Variants in SI observed in about 807,000 individuals in gnomAD.
SI encodes the protein sucrase-isomaltase.
SI carries 235 observed loss-of-function variants against 253.3 expected under a neutral mutation model. That is an observed-to-expected ratio of 0.93 (90% CI 0.83 to 1.03). The LOEUF is 1.03. Among genes scored for constraint, SI ranks in the 50% least tolerant of loss-of-function variants. The pLI is 0.00. For synonymous variants in SI, 819 were observed against 712.0 expected (o/e 1.15, Z -2.39); for missense variants, 2,442 against 2,211.1 (o/e 1.10, Z -2.09).
intron 3 of SI, among the ~76,000 whole-genome samples, chr3:165,073,584 G>A (rs1411702432): frequency 6.6e-6 from 1 of 152,046 alleles, no homozygotes; most frequent in Non-Finnish European, 1.5e-5. Context: ...GTAAGGTGGA[G>A]TGGAGAAGGT....
intron 37 of SI, among the ~76,000 whole-genome samples, chr3:165,004,314 G>C (rs571189446): frequency 6.6e-6 from 1 of 152,256 alleles, no homozygotes; most frequent in South Asian, 2.1e-4. Flanking sequence ...TGCTGTTGAA[G>C]CTGTGGAGAA....
At chr3:165,089,658 A>C in the SI span, among the ~76,000 whole-genome samples, 1 of 152,100 alleles carries the variant, frequency 6.6e-6, no homozygotes, top group Non-Finnish European at 1.5e-5. Context: ...GTGGACCAGA[A>C]TCAGCACCGC....
At chr3:165,009,226 T>C in intron 35 of SI, 53 bp downstream of exon 35, 1 of 1,190,928 alleles carries the variant, frequency 8.4e-7, no homozygotes, top group East Asian at 2.3e-5. Context: ...TAATTTTGCA[T>C]AATCACTGCA....
intron 38 of SI, 60 bp downstream of exon 38, chr3:164,998,480 C>A: frequency 6.4e-7 from 1 of 1,564,198 alleles, no homozygotes; most frequent in South Asian, 1.1e-5. Flanking sequence ...CTAGCACCAG[C>A]AAAAGTGAGT....
At chr3:165,065,219 A>G (rs772690315) in intron 7 of SI, 42 bp downstream of exon 7, 5 of 1,232,828 alleles carry the variant, frequency 4.1e-6, no homozygotes, top group Non-Finnish European at 6.0e-6. Flanking sequence ...CATCTGCTGC[A>G]ATATAGTGAT....
At chr3:164,995,425 A>C (rs1456485543) in intron 40 of SI, among the ~76,000 whole-genome samples, 4 of 151,864 alleles carry the variant, frequency 2.6e-5, no homozygotes, top group African/African-American at 9.7e-5. Context: ...ACATGTTGAT[A>C]CACAAGCATC....
chr3:164,983,960 GCTGA>G (rs962093852), intron 45 of SI, among the ~76,000 whole-genome samples: 30 of 152,060 alleles, frequency 2.0e-4, no homozygotes, highest in African/African-American at 6.3e-4. Flanking sequence ...CTTGTTTAGT[GCTGA>G]CTATTTGCCA....
At chr3:165,028,450 A>G (rs1712040557) in intron 25 of SI, among the ~76,000 whole-genome samples, 1 of 151,500 alleles carries the variant, frequency 6.6e-6, no homozygotes, top group Non-Finnish European at 1.5e-5. Context: ...CCTAAAATTC[A>G]TATGGAACCA....
intron 34 of SI, 122 bp downstream of exon 34, chr3:165,012,858 C>T (rs976031343): frequency 4.1e-5 from 31 of 757,970 alleles, no homozygotes; most frequent in Admixed American, 9.1e-5. Flanking sequence ...GGTCTGATAT[C>T]GATAATTTAA....
At chr3:165,051,832 T>G (rs9757571) in intron 13 of SI, among the ~76,000 whole-genome samples, 1 of 145,952 alleles carries the variant, frequency 6.9e-6, no homozygotes, top group African/African-American at 2.7e-5. Context: ...AGGATGAAAA[T>G]TTTTTTTAGA....
rs1241072934 is a variant in SI at position 165,041,009 on chromosome 3, G to A, written c.2090C>T (p.Pro697Leu). ...QYLTIRYTLL[P>L]FLYTLFYKAH... ...TTTATAAAACAGAGTGTAGAGGAAG[G>A]GTAATAAGGTGTAGCGAATAGTTAA... Residue 697 changes from proline (P) to leucine (L), a missense_variant, in exon 18 of 48, where the codon CCC (proline) becomes CTC (leucine). Physicochemically the swap from Pro to Leu is moderately conservative, Grantham distance 98. Transcript: ENST00000264382. 6.2e-7 allele frequency: 1 copy of A among 1,612,318 alleles called. No homozygotes were observed. The highest frequency in any genetic ancestry group is 1.3e-5 in the African/African-American group (1 of 74,830).
intron 44 of SI, among the ~76,000 whole-genome samples, chr3:164,989,419 A>G (rs958020446): frequency 6.8e-6 from 1 of 147,528 alleles, no homozygotes; most frequent in Non-Finnish European, 1.5e-5. Context: ...AAAGAAAGAA[A>G]GAAAGAAAGA....
At position 165,033,629 on chromosome 3, in the gene SI, T is replaced by C. The variant is rs1033985360; in HGVS notation, c.2516-185A>G. ...AAATTATATAATAATGGTATTTCAT[T>C]TTCACAGCAAGTAGAGGTAATGAAT... is the stretch of plus-strand genomic sequence containing the variant. On this transcript the variant is annotated intron_variant, in intron 22 of 47. Transcript: ENST00000264382. Among the ~76,000 whole-genome samples the C allele has an allele frequency of 7.3e-5, 11 of 151,608 alleles. 1 individual carries two copies. In the Middle Eastern group the frequency reaches 0.011, roughly 148 times the overall value.
At position 165,040,928 on chromosome 3, in the gene SI, C is replaced by A; in HGVS notation, c.2159+12G>T. On this transcript the variant is annotated intron_variant, in intron 18 of 47. Transcript: ENST00000264382. ...AAAAGGTATTATTATAATTATTGTA[C>A]GTAGTACTCACTCATGAAGAACTGG... is the stretch of plus-strand genomic sequence containing the variant. The A allele has an allele frequency of 6.3e-7, 1 of 1,591,992 alleles. No homozygotes were observed. Among genetic ancestry groups the A allele is most frequent in the Non-Finnish European group, 8.6e-7 (1 of 1,160,536 alleles).
intron 17 of SI, 28 bp downstream of exon 17, chr3:165,043,031 C>T (rs148598122): frequency 5.2e-4 from 692 of 1,319,466 alleles, no homozygotes; most frequent in Middle Eastern, 7.4e-4. Context: ...TTTTTTATTT[C>T]GCAACATGGA....
chr3:165,077,341 C>G (rs191094641), intron 1 of SI, among the ~76,000 whole-genome samples: 89 of 151,730 alleles, frequency 5.9e-4, no homozygotes, highest in Middle Eastern at 3.4e-3. Flanking sequence ...TTTACCATAG[C>G]ATATTAAATG....
At chr3:165,034,026 T>C (rs181657714) in intron 22 of SI, among the ~76,000 whole-genome samples, 160 of 151,772 alleles carry the variant, frequency 1.1e-3, no homozygotes, top group African/African-American at 3.6e-3. Context: ...AAAGAAAAAC[T>C]GAAGATAAGG....
intron 45 of SI, among the ~76,000 whole-genome samples, chr3:164,983,707 A>C (rs1290319753): frequency 2.0e-5 from 3 of 152,014 alleles, no homozygotes; most frequent in Non-Finnish European, 4.4e-5. Context: ...CTCCCACCTC[A>C]GCCTCCTGAG....
At chr3:165,040,680 C>T (rs930381384) in intron 18 of SI, among the ~76,000 whole-genome samples, 5 of 152,012 alleles carry the variant, frequency 3.3e-5, no homozygotes, top group African/African-American at 1.2e-4. Flanking sequence ...TGCTTAATCT[C>T]TTTACTGATA....
Sources: allele counts gnomAD v4.1 joint callset (sites outside exome capture counted in the v4.1 genomes callset), GRCh38; gene constraint gnomAD v4.1.1; transcripts MANE v1.5; gene names NCBI Gene and HGNC (gene_info 2026-07-23, HGNC 2026-07-21).